FRMD4A: variants seen among roughly 807,000 people sequenced by gnomAD.
FRMD4A encodes the protein FERM domain-containing protein 4A.
FRMD4A carries 29 observed loss-of-function variants against 129.1 expected under a neutral mutation model. That is an observed-to-expected ratio of 0.22 (90% CI 0.17 to 0.31). The LOEUF is 0.31. Among genes scored for constraint, FRMD4A ranks in the 10% least tolerant of loss-of-function variants. FRMD4A has a pLI of 1.00. For missense variants in FRMD4A, 1,272 were observed against 1,375.8 expected, an observed-to-expected ratio of 0.92 and a Z score of 1.19; for synonymous variants, 634 against 571.6, an observed-to-expected ratio of 1.11 and a Z score of -1.56.
intron 2 of FRMD4A, among the ~76,000 whole-genome samples, chr10:14,131,550 T>C (rs182577390): frequency 6.6e-6 from 1 of 152,280 alleles, no homozygotes; most frequent in Non-Finnish European, 1.5e-5. Context: ...ATAACTTAGT[T>C]AAGTGCCTGT....
At chr10:13,849,338 G>C (rs1379219581) in intron 3 of FRMD4A, among the ~76,000 whole-genome samples, 1 of 152,192 alleles carries the variant, frequency 6.6e-6, no homozygotes, top group Non-Finnish European at 1.5e-5. Flanking sequence ...CGCCTCGGTA[G>C]ATGGCCCAGC....
chr10:13,997,334 G>T (rs2095626175), intron 2 of FRMD4A, among the ~76,000 whole-genome samples: 1 of 152,250 alleles, frequency 6.6e-6, no homozygotes, highest in South Asian at 2.1e-4. Context: ...TCTCTACCAT[G>T]GTCTCTAATT....
chr10:13,743,812 A>G (rs79123829), intron 9 of FRMD4A, among the ~76,000 whole-genome samples: 3,232 of 152,174 alleles, frequency 0.021, 116 homozygotes, highest in African/African-American at 0.074. Context: ...CCGAGAACCT[A>G]TTCTGCTCCC....
intron 2 of FRMD4A, among the ~76,000 whole-genome samples, chr10:13,992,589 A>G (rs1433526787): frequency 6.6e-6 from 1 of 152,230 alleles, no homozygotes; most frequent in East Asian, 1.9e-4. Context: ...TTAACTTTGT[A>G]AAATAATTTC....
rs1589036241 is a variant in FRMD4A, at chr10:14,128,045, CCTCTTTCTTTCTTTCTTTCTTTCTTTCTT to C, written c.45+201984_45+202012del. 5.6e-4 allele frequency among the ~76,000 whole-genome samples: 42 copies of C among 75,570 alleles called. 1 individual carries two copies. Among genetic ancestry groups the C allele is most frequent in the Admixed American group, 3.3e-3 (21 of 6,270 alleles). 49.6% of individuals were successfully genotyped at this position (75,570 alleles called of 152,430 possible). A position where few individuals can be genotyped will look rare whatever the true frequency, so the allele number is the denominator to read the frequency against. On this transcript the variant is annotated intron_variant, in intron 2 of 24. Coordinates refer to ENST00000357447, the MANE Select transcript of FRMD4A (RefSeq NM_018027.5). ...CTTCCTTCCTTCCTTCCTTTCTTTC[CCTCTTTCTTTCTTTCTTTCTTTCTTTCTT>C]TCTTTCTTTCTTTCTTTCTTTCTTT...
At chr10:14,281,146 C>T (rs139712577) in intron 2 of FRMD4A, among the ~76,000 whole-genome samples, 4 of 152,142 alleles carry the variant, frequency 2.6e-5, no homozygotes, top group South Asian at 4.2e-4. Flanking sequence ...GAGCACACCA[C>T]CACACCCAGC....
chr10:13,710,831 T>C (rs1433835939), intron 12 of FRMD4A, among the ~76,000 whole-genome samples: 1 of 151,964 alleles, frequency 6.6e-6, no homozygotes, highest in African/African-American at 2.4e-5. Flanking sequence ...TGGGCCAACA[T>C]AGCAAAACTC....
At chr10:13,918,546 T>C (rs1014633933) in intron 2 of FRMD4A, among the ~76,000 whole-genome samples, 2 of 152,178 alleles carry the variant, frequency 1.3e-5, no homozygotes, top group African/African-American at 4.8e-5. Flanking sequence ...TTCTTTTTTT[T>C]GAGAGAGAGT....
At chr10:14,229,163 C>A (rs1157729251) in intron 2 of FRMD4A, among the ~76,000 whole-genome samples, 1 of 151,148 alleles carries the variant, frequency 6.6e-6, no homozygotes. Flanking sequence ...GGGGAAGAGA[C>A]CCTGAACTCA....
intron 2 of FRMD4A, among the ~76,000 whole-genome samples, chr10:14,162,630 G>GTTTTTTTTTTTT (rs556368229): frequency 8.5e-5 from 10 of 117,336 alleles, no homozygotes; most frequent in African/African-American, 3.2e-4. Context: ...GAGTTTCTCT[G>GTTTTTTTTTTTT]TTTTTTTTTT....
At chr10:13,933,171 T>A (rs1326778462) in intron 2 of FRMD4A, among the ~76,000 whole-genome samples, 1 of 151,674 alleles carries the variant, frequency 6.6e-6, no homozygotes, top group Non-Finnish European at 1.5e-5. Flanking sequence ...AAAAAAAAAA[T>A]TCTTACTAAG....
At chr10:13,931,192 A>G (rs1399814527) in intron 2 of FRMD4A, among the ~76,000 whole-genome samples, 11 of 152,124 alleles carry the variant, frequency 7.2e-5, no homozygotes, top group African/African-American at 2.2e-4. Context: ...TAACCCACCA[A>G]TATGTTTCCA....
intron 6 of FRMD4A, among the ~76,000 whole-genome samples, chr10:13,779,021 A>G (rs1301908247): frequency 1.3e-5 from 2 of 149,496 alleles, no homozygotes; most frequent in South Asian, 2.1e-4. Flanking sequence ...TTATTTATTT[A>G]TTTAAAAAAA....
At chr10:14,054,784 G>A (rs561377844) in intron 2 of FRMD4A, among the ~76,000 whole-genome samples, 48 of 152,310 alleles carry the variant, frequency 3.2e-4, no homozygotes, top group African/African-American at 9.4e-4. Context: ...TAACTGAATC[G>A]TGGGGGCAGG....
At chr10:14,310,669 C>A (rs1215634449) in intron 2 of FRMD4A, among the ~76,000 whole-genome samples, 1 of 152,148 alleles carries the variant, frequency 6.6e-6, no homozygotes, top group Non-Finnish European at 1.5e-5. Flanking sequence ...GTGGGGGCTA[C>A]CAGAAATTCG....
At chr10:14,185,838 C>T (rs934090875) in intron 2 of FRMD4A, among the ~76,000 whole-genome samples, 5 of 152,098 alleles carry the variant, frequency 3.3e-5, no homozygotes, top group East Asian at 1.9e-4. Context: ...CCAGTGGAGA[C>T]AGCCATGGCC....
chr10:14,239,652 CAA>C (rs529527490), intron 2 of FRMD4A, among the ~76,000 whole-genome samples: 2 of 149,982 alleles, frequency 1.3e-5, no homozygotes, highest in African/African-American at 4.9e-5. Flanking sequence ...AACAAACAAA[CAA>C]AAAAAAACTG....
intron 2 of FRMD4A, among the ~76,000 whole-genome samples, chr10:14,303,434 T>C (rs1846251034): frequency 6.6e-6 from 1 of 152,324 alleles, no homozygotes; most frequent in Non-Finnish European, 1.5e-5. Context: ...CAGGCAGTGT[T>C]TGGGGAGAAG....
intron 2 of FRMD4A, among the ~76,000 whole-genome samples, chr10:14,045,594 A>C (rs1833954209): frequency 6.7e-6 from 1 of 148,852 alleles, no homozygotes; most frequent in South Asian, 2.1e-4. Context: ...TATATACAAT[A>C]AAATATATTA....
Sources: allele counts gnomAD v4.1 joint callset (sites outside exome capture counted in the v4.1 genomes callset), GRCh38; gene constraint gnomAD v4.1.1; transcripts MANE v1.5; gene names NCBI Gene and HGNC (gene_info 2026-07-23, HGNC 2026-07-21).